Variants in FOXK2 observed in about 807,000 individuals in gnomAD.
FOXK2 encodes the protein forkhead box K2.
FOXK2 carries 24 observed loss-of-function variants against 53.3 expected under a neutral mutation model. The observed-to-expected ratio is 0.45, with a 90% confidence interval of 0.33 to 0.63. The LOEUF (loss-of-function observed/expected upper bound fraction) is 0.63. Ranked by LOEUF, FOXK2 falls within the 30% of genes least tolerant of loss-of-function variation. The pLI, the probability that FOXK2 is intolerant of heterozygous loss-of-function variation, is 0.03. For synonymous variants in FOXK2, 505 were observed against 407.1 expected, an observed-to-expected ratio of 1.24 and a Z score of -2.89; for missense variants, 952 against 910.5, an observed-to-expected ratio of 1.05 and a Z score of -0.59.
At chr17:82,588,611 C>T (rs1021097974) in intron 8 of FOXK2, among the ~76,000 whole-genome samples, 4 of 152,246 alleles carry the variant, frequency 2.6e-5, no homozygotes, top group African/African-American at 4.8e-5. Context: ...TGTTAGAGGC[C>T]AGAGTGCTGC....
intron 6 of FOXK2, among the ~76,000 whole-genome samples, chr17:82,585,075 A>G (rs1413538287): frequency 4.6e-5 from 7 of 152,180 alleles, no homozygotes; most frequent in Non-Finnish European, 7.3e-5. Flanking sequence ...GGCCCCTGAC[A>G]GCCATGTCTC....
chr17:82,523,451 G>A (rs2044386771), intron 1 of FOXK2, among the ~76,000 whole-genome samples: 1 of 151,758 alleles, frequency 6.6e-6, no homozygotes, highest in Non-Finnish European at 1.5e-5. Context: ...CCAGTGAAAT[G>A]CAGATAAATT....
chr17:82,526,088 T>C (rs1175983286), intron 1 of FOXK2, among the ~76,000 whole-genome samples: 1 of 152,194 alleles, frequency 6.6e-6, no homozygotes, highest in Admixed American at 6.6e-5. Flanking sequence ...GACTTGTTTA[T>C]TAAATCAGAG....
chr17:82,552,123 G>A (rs1176062591), intron 1 of FOXK2, among the ~76,000 whole-genome samples: 3 of 152,208 alleles, frequency 2.0e-5, no homozygotes, highest in Non-Finnish European at 4.4e-5. Flanking sequence ...CAAGGCACAC[G>A]CTCCCAGCCT....
At chr17:82,581,546 G>C (rs2045060194) in intron 4 of FOXK2, among the ~76,000 whole-genome samples, 6 of 151,350 alleles carry the variant, frequency 4.0e-5, no homozygotes, top group Admixed American at 3.3e-4. Flanking sequence ...CGCAATCTCG[G>C]CTCACTGCAA....
intron 1 of FOXK2, chr17:82,559,448 G>A (rs1262682342): frequency 8.8e-6 from 4 of 456,248 alleles, no homozygotes; most frequent in East Asian, 1.4e-4. Context: ...TGGTTCTGCC[G>A]TGAGAACCCC....
chr17:82,542,522 T>G (rs1013196619), intron 1 of FOXK2, among the ~76,000 whole-genome samples: 3 of 152,006 alleles, frequency 2.0e-5, no homozygotes, highest in Admixed American at 2.0e-4. Context: ...CCTGCTCAGG[T>G]TGGTGTAGTT....
chr17:82,576,642 A>C, intron 4 of FOXK2: 9 of 1,134,728 alleles, frequency 7.9e-6, no homozygotes, highest in Non-Finnish European at 1.2e-5. Flanking sequence ...GGAAGCTGGC[A>C]CAGAAGATGA....
At chr17:82,532,959 TA>T (rs2044486360) in intron 1 of FOXK2, among the ~76,000 whole-genome samples, 1 of 152,212 alleles carries the variant, frequency 6.6e-6, no homozygotes, top group East Asian at 1.9e-4. Flanking sequence ...GTTTAAAAAC[TA>T]AGACTGAAAC....
At chr17:82,588,510 T>G (rs2045220039) in intron 8 of FOXK2, 1 of 160,160 alleles carries the variant, frequency 6.2e-6, no homozygotes. Flanking sequence ...CGGTTGGCTT[T>G]CTGGTCTTAG....
intron 1 of FOXK2, among the ~76,000 whole-genome samples, chr17:82,546,693 C>T (rs1432543631): frequency 6.6e-6 from 1 of 152,020 alleles, no homozygotes; most frequent in African/African-American, 2.4e-5. Context: ...GTCTTGAACT[C>T]CTGGGCTCAA....
At chr17:82,571,991 G>A (rs987637544) in intron 4 of FOXK2, 121 bp downstream of exon 4, 8 of 944,560 alleles carry the variant, frequency 8.5e-6, no homozygotes, top group East Asian at 6.2e-5. Flanking sequence ...GGAGCCTCCC[G>A]TGCTGAGAGG....
chr17:82,580,212 G>C (rs1192911414), intron 4 of FOXK2, among the ~76,000 whole-genome samples: 4 of 139,466 alleles, frequency 2.9e-5, no homozygotes, highest in Non-Finnish European at 6.2e-5. Flanking sequence ...TCCCACACAT[G>C]GCCCAGCCCA....
chr17:82,577,177 A>G (rs1341680156), intron 4 of FOXK2: 1 of 988,072 alleles, frequency 1.0e-6, no homozygotes, highest in Non-Finnish European at 1.5e-6. Flanking sequence ...AAAGAAAAAG[A>G]AAAAAAGAAA....
rs2045396025 is a variant in FOXK2 at position 82,602,349 on chromosome 17, C to T, written c.*850C>T. The T allele has an allele frequency of 6.6e-6, 1 of 152,164 alleles. No homozygotes were observed. The allele number at this position is 152,164 out of a possible 1,614,324, so 9.4% of individuals were successfully genotyped here. On this transcript the variant is annotated 3_prime_UTR_variant, in exon 9 of 9. Coordinates refer to ENST00000335255, the MANE Select transcript of FOXK2 (RefSeq NM_004514.4). ...GTTTGTTTCTTTGTGTTGACTTTGT[C>T]CCTGGCAAAATTTTCCACTCTGAGT...
chr17:82,586,284 ACAGGGAGGTCAAAG>A, intron 7 of FOXK2, 84 bp downstream of exon 7: 1 of 363,022 alleles, frequency 2.8e-6, no homozygotes, highest in Non-Finnish European at 4.8e-6. Context: ...AGGGGAGACC[ACAGGGAGGTCAAAG>A]GTGGGCCGGG....
chr17:82,592,900 G>A (rs542458876), intron 8 of FOXK2, among the ~76,000 whole-genome samples: 15 of 151,696 alleles, frequency 9.9e-5, no homozygotes, highest in Non-Finnish European at 1.5e-4. Context: ...CCTGTGCCGG[G>A]CACAGGCTCT....
chr17:82,554,266 T>C, intron 1 of FOXK2, among the ~76,000 whole-genome samples: 1 of 152,158 alleles, frequency 6.6e-6, no homozygotes, highest in East Asian at 1.9e-4. Flanking sequence ...TCTGATTCAT[T>C]TCTGTGGGGC....
rs866610782 is a variant in FOXK2 at position 82,551,143 on chromosome 17, C to G, written c.420-12211C>G. Among the ~76,000 whole-genome samples the G allele has an allele frequency of 1.1e-4, 17 of 151,596 alleles. No homozygotes were observed. The East Asian group carries it at 3.2e-3, about 28-fold the overall frequency. On this transcript the variant is annotated intron_variant, in intron 1 of 8. Transcript: ENST00000335255. ...CCATCCTGGCTAACACGGTGAAACCCCGTCTCTACTAAAAATCCAAAAAAT... is the reference window on the plus strand; with the variant it reads ...CCATCCTGGCTAACACGGTGAAACCGCGTCTCTACTAAAAATCCAAAAAAT...
Sources: gnomAD v4.1 joint callset for allele counts (sites outside exome capture counted in the v4.1 genomes callset) on GRCh38, gnomAD v4.1.1 for gene constraint, MANE v1.5 for transcripts, NCBI Gene and HGNC (gene_info 2026-07-23, HGNC 2026-07-21) for gene names.